HMGA2: variants seen among roughly 807,000 people sequenced by gnomAD.
The protein encoded by HMGA2 is high mobility group AT-hook 2.
In HMGA2, 8 loss-of-function variants were observed where a neutral mutation model predicts 19.1. The observed-to-expected ratio is 0.42, with a 90% CI of 0.25 to 0.76. The LOEUF is 0.76. HMGA2 is among the 30% of genes least tolerant of loss of function. The probability of loss-of-function intolerance (pLI) is 0.28; values close to 1 mark genes in which losing one functional copy is unlikely to be tolerated. For missense variants in HMGA2, 109 were observed against 136.3 expected (o/e 0.80, Z 1.00); for synonymous variants, 60 against 48.8 (o/e 1.23, Z -0.96).
chr12:65,933,748 ACT>A (rs1266831156), intron 3 of HMGA2, among the ~76,000 whole-genome samples: 2 of 152,170 alleles, frequency 1.3e-5, no homozygotes, highest in Admixed American at 1.3e-4. Context: ...ACTGGTATGC[ACT>A]CTATAAGGAG....
Position 65,958,408 on chromosome 12 carries a change from G to GT in HMGA2, c.283-4831dup, listed in dbSNP as rs531095008. 9 of 152,254 alleles carry GT rather than the reference G, an allele frequency of 5.9e-5. No individual in the cohort carries two copies. In the East Asian group the frequency reaches 1.5e-3, roughly 26 times the overall value. 9.4% of individuals were successfully genotyped at this position (152,254 alleles called of 1,614,324 possible). ...TGTTTATATATGTTCCATTTAACATGTTTTTTAAAAATCTGCTGTAGAGTT... is the reference window on the plus strand; with the variant it reads ...TGTTTATATATGTTCCATTTAACATGTTTTTTTAAAAATCTGCTGTAGAGTT... On this transcript the variant is annotated intron_variant, in intron 4 of 4. Coordinates refer to ENST00000403681, the MANE Select transcript of HMGA2 (RefSeq NM_003483.6).
chr12:65,946,268 G>GTCATATGATTTTAAAACAAAA (rs1026478137), intron 3 of HMGA2, among the ~76,000 whole-genome samples: 39 of 152,254 alleles, frequency 2.6e-4, no homozygotes, highest in African/African-American at 5.1e-4. Context: ...TTGAACAATG[G>GTCATATGATTTTAAAACAAAA]TCATATGATT....
chr12:65,898,568 G>A (rs939077201), intron 3 of HMGA2, among the ~76,000 whole-genome samples: 10 of 152,064 alleles, frequency 6.6e-5, no homozygotes, highest in Non-Finnish European at 1.5e-4. Flanking sequence ...ATATTCACAT[G>A]TTTCAAACAT....
intron 3 of HMGA2, among the ~76,000 whole-genome samples, chr12:65,937,056 T>A (rs1875921483): frequency 6.6e-6 from 1 of 152,202 alleles, no homozygotes; most frequent in African/African-American, 2.4e-5. Context: ...CCAAAGTAAC[T>A]TCCATATCCT....
chr12:65,923,416 A>G (rs900097927), intron 3 of HMGA2, among the ~76,000 whole-genome samples: 2 of 152,320 alleles, frequency 1.3e-5, no homozygotes, highest in Non-Finnish European at 2.9e-5. Context: ...AGGAACACTC[A>G]CCACCCACTA....
chr12:65,906,495 A>G (rs1390325511), intron 3 of HMGA2, among the ~76,000 whole-genome samples: 1 of 152,212 alleles, frequency 6.6e-6, no homozygotes, highest in Non-Finnish European at 1.5e-5. Flanking sequence ...CTGTAGCTTT[A>G]GAAGGAAAAA....
At chr12:65,927,980 T>C (rs556381108) in intron 3 of HMGA2, among the ~76,000 whole-genome samples, 1 of 149,190 alleles carries the variant, frequency 6.7e-6, no homozygotes, top group Non-Finnish European at 1.5e-5. Flanking sequence ...TGTATGTATA[T>C]ATGTGTATAT....
At chr12:65,878,592 T>G (rs1431114712) in intron 3 of HMGA2, among the ~76,000 whole-genome samples, 1 of 152,228 alleles carries the variant, frequency 6.6e-6, no homozygotes, top group Non-Finnish European at 1.5e-5. Context: ...TTAAAAAATC[T>G]ACAAGCCCAG....
intron 3 of HMGA2, among the ~76,000 whole-genome samples, chr12:65,896,152 G>A (rs1213586056): frequency 6.6e-6 from 1 of 152,184 alleles, no homozygotes; most frequent in African/African-American, 2.4e-5. Flanking sequence ...TTTTTGAAAA[G>A]GAATGTTTCA....
At chr12:65,842,620 T>C in intron 3 of HMGA2, 1 of 1,535,560 alleles carries the variant, frequency 6.5e-7, no homozygotes, top group Non-Finnish European at 8.7e-7. Flanking sequence ...CTTAGAAGCC[T>C]TTCTTCCAAT....
chr12:65,897,117 T>A (rs1326625104), intron 3 of HMGA2, among the ~76,000 whole-genome samples: 1 of 152,160 alleles, frequency 6.6e-6, no homozygotes, highest in African/African-American at 2.4e-5. Flanking sequence ...GGTATGTAGG[T>A]GTGCATATTT....
chr12:65,926,296 G>A (rs1040336630), intron 3 of HMGA2, among the ~76,000 whole-genome samples: 3 of 152,240 alleles, frequency 2.0e-5, no homozygotes, highest in Non-Finnish European at 4.4e-5. Flanking sequence ...TCAAAACAGT[G>A]TGGGGCTTCC....
chr12:65,949,459 G>A (rs555172820), intron 3 of HMGA2, among the ~76,000 whole-genome samples: 4 of 152,180 alleles, frequency 2.6e-5, no homozygotes, highest in African/African-American at 7.2e-5. Flanking sequence ...AAAGCATGTC[G>A]CTATCCACAT....
chr12:65,868,171 G>A (rs1872527155), intron 3 of HMGA2, among the ~76,000 whole-genome samples: 1 of 152,210 alleles, frequency 6.6e-6, no homozygotes, highest in African/African-American at 2.4e-5. Context: ...GGAAATGTAA[G>A]GATCTCTTGT....
intron 3 of HMGA2, among the ~76,000 whole-genome samples, chr12:65,893,494 T>G (rs1874001007): frequency 1.3e-5 from 2 of 152,258 alleles, no homozygotes; most frequent in South Asian, 4.1e-4. Context: ...CACCTCTCTA[T>G]TAGTATTTGC....
intron 3 of HMGA2, chr12:65,873,710 A>G (rs939075891): frequency 5.3e-5 from 8 of 152,164 alleles, no homozygotes; most frequent in Admixed American, 3.3e-4. Context: ...ACTCTGTTAT[A>G]TTTTATTATA....
chr12:65,837,657 A>T lies in HMGA2; in HGVS notation c.199-862A>T, dbSNP rs528388304. 2.0e-5 allele frequency among the ~76,000 whole-genome samples: 3 copies of T among 152,282 alleles called. No homozygotes were observed. The South Asian group carries it at 6.2e-4, about 32-fold the overall frequency. ...TATTGGTGTGTTGTTGTGTATGAAG[A>T]TTGGACTAGGGCTGACAAAAACGGA... On this transcript the variant is annotated intron_variant, in intron 2 of 4. Coordinates refer to ENST00000403681, the MANE Select transcript of HMGA2 (RefSeq NM_003483.6).
At chr12:65,841,327 T>C (rs1247889830) in intron 3 of HMGA2, among the ~76,000 whole-genome samples, 2 of 152,192 alleles carry the variant, frequency 1.3e-5, no homozygotes, top group African/African-American at 4.8e-5. Context: ...TTTTACTGGC[T>C]GTGAGAATGG....
At chr12:65,950,347 C>A (rs1876416240) in intron 3 of HMGA2, among the ~76,000 whole-genome samples, 1 of 152,160 alleles carries the variant, frequency 6.6e-6, no homozygotes, top group South Asian at 2.1e-4. Context: ...GTGGTATACC[C>A]ATACAAGGGA....
Sources: gnomAD v4.1 joint callset for allele counts (sites outside exome capture counted in the v4.1 genomes callset) on GRCh38, gnomAD v4.1.1 for gene constraint, MANE v1.5 for transcripts, NCBI Gene and HGNC (gene_info 2026-07-23, HGNC 2026-07-21) for gene names.